The following CCDC57 variants were observed in gnomAD, a reference collection of about 807,000 sequenced individuals.
The protein encoded by CCDC57 is coiled-coil domain containing 57, also known as coiled-coil domain-containing protein 57.
CCDC57 carries 118 observed loss-of-function variants against 118.9 expected under a neutral mutation model. The observed-to-expected ratio is 0.99, with a 90% CI of 0.86 to 1.16. The LOEUF (loss-of-function observed/expected upper bound fraction) is 1.16. CCDC57 is among the 50% of genes most tolerant of loss of function. The pLI is 0.00. For synonymous variants in CCDC57, 527 were observed against 532.9 expected, an observed-to-expected ratio of 0.99 and a Z score of 0.15; for missense variants, 1,300 against 1,320.7, an observed-to-expected ratio of 0.98 and a Z score of 0.24.
chr17:82,167,804 C>A (rs901603927), intron 13 of CCDC57, among the ~76,000 whole-genome samples: 1 of 151,548 alleles, frequency 6.6e-6, no homozygotes. Context: ...TTAGTAGATA[C>A]GGGGTTTCGC....
chr17:82,195,420 A>G, intron 4 of CCDC57, 56 bp from the exon 4 acceptor site: 1 of 1,389,880 alleles, frequency 7.2e-7, no homozygotes, highest in Non-Finnish European at 1.0e-6. Flanking sequence ...AAAGACCCCC[A>G]CCCACGTCCT....
intron 2 of CCDC57, among the ~76,000 whole-genome samples, chr17:82,202,238 G>A (rs2049081124): frequency 6.6e-6 from 1 of 152,138 alleles, no homozygotes; most frequent in South Asian, 2.1e-4. Flanking sequence ...AGGCCCAGGT[G>A]GATGGATCAC....
intron 14 of CCDC57, among the ~76,000 whole-genome samples, chr17:82,161,515 C>T (rs1436702696): frequency 6.6e-6 from 1 of 152,156 alleles, no homozygotes; most frequent in Non-Finnish European, 1.5e-5. Flanking sequence ...ATGTTGAGTG[C>T]ATGAATGATA....
At chr17:82,157,653 G>A in intron 15 of CCDC57, 95 bp downstream of exon 14, 5 of 1,482,750 alleles carry the variant, frequency 3.4e-6, no homozygotes, top group Non-Finnish European at 4.5e-6. Flanking sequence ...TGAGCTCCCA[G>A]GGCATACAGA....
chr17:82,121,006 C>A (rs369972948), intron 19 of CCDC57, among the ~76,000 whole-genome samples: 1 of 152,198 alleles, frequency 6.6e-6, no homozygotes, highest in African/African-American at 2.4e-5. Flanking sequence ...CCACCCACCT[C>A]GGCCTCCCAA....
rs369870234 is a variant in CCDC57, at chr17:82,203,232, G to C, written c.-8-1280C>G. Reference sequence around the variant, plus strand: ...CACTCACACTCCCCTCTTGCTTCGTGCCTGCTCCTCTTTCACCTTCCGCCA... The same window carrying C: ...CACTCACACTCCCCTCTTGCTTCGTCCCTGCTCCTCTTTCACCTTCCGCCA... On this transcript the variant is annotated intron_variant, in intron 2 of 19. Transcript: ENST00000665763. 1.7e-4 allele frequency among the ~76,000 whole-genome samples: 26 copies of C among 152,246 alleles called. 1 individual carries two copies. The South Asian group carries it at 5.4e-3, about 32-fold the overall frequency.
chr17:82,184,283 C>T (rs771662213), intron 8 of CCDC57, among the ~76,000 whole-genome samples: 1 of 152,070 alleles, frequency 6.6e-6, no homozygotes, highest in Non-Finnish European at 1.5e-5. Context: ...CCCATGCCCA[C>T]AGAGCCCACA....
At chr17:82,125,918 G>A (rs926932209) in intron 19 of CCDC57, among the ~76,000 whole-genome samples, 8 of 152,138 alleles carry the variant, frequency 5.3e-5, no homozygotes, top group African/African-American at 1.9e-4. Flanking sequence ...TGACAAAGGT[G>A]GGAGTCCGAA....
chr17:82,117,323 C>A (rs147990665), intron 19 of CCDC57, among the ~76,000 whole-genome samples: 176 of 151,938 alleles, frequency 1.2e-3, no homozygotes, highest in South Asian at 4.0e-3. Flanking sequence ...CTGTACTGGG[C>A]GACAGAGGGA....
intron 19 of CCDC57, among the ~76,000 whole-genome samples, chr17:82,122,367 C>T (rs2036826599): frequency 6.6e-6 from 1 of 152,250 alleles, no homozygotes; most frequent in Non-Finnish European, 1.5e-5. Context: ...GGGCGTCTGT[C>T]CAGCAAGCAG....
intron 3 of CCDC57, among the ~76,000 whole-genome samples, chr17:82,199,867 C>T (rs1289416391): frequency 2.0e-5 from 3 of 152,176 alleles, no homozygotes; most frequent in Non-Finnish European, 2.9e-5. Flanking sequence ...ACCACATTAG[C>T]AAGCAGCACT....
In CCDC57 at chr17:82,178,991, G is replaced by A. The variant is rs192695286; in HGVS notation, c.1374+36C>T. The A allele has an allele frequency of 4.2e-4, 674 of 1,602,624 alleles. 4 individuals carry two copies. In the East Asian group the frequency reaches 0.011, roughly 25 times the overall value. On this transcript the variant is annotated intron_variant, in intron 10 of 19. Coordinates refer to ENST00000665763, the Ensembl canonical transcript of CCDC57. Reference sequence around the variant, plus strand: ...TGCCCAGCCCCACCTCTGCAGAGACGCCGAGAAGGCCCCAGGCCCTGGTGG... The same window carrying A: ...TGCCCAGCCCCACCTCTGCAGAGACACCGAGAAGGCCCCAGGCCCTGGTGG...
At chr17:82,124,167 C>A (rs910087164) in intron 19 of CCDC57, among the ~76,000 whole-genome samples, 1 of 152,162 alleles carries the variant, frequency 6.6e-6, no homozygotes, top group Admixed American at 6.5e-5. Flanking sequence ...GAGGGCATTT[C>A]TCTAAGGCAA....
intron 5 of CCDC57, 80 bp downstream of exon 4, chr17:82,195,183 T>G: frequency 1.6e-5 from 17 of 1,031,532 alleles, no homozygotes; most frequent in Non-Finnish European, 2.2e-5. Flanking sequence ...CCCAAAGTGC[T>G]GAGATGACAG....
At chr17:82,125,675 CCTCT>C (rs1237069545) in intron 19 of CCDC57, among the ~76,000 whole-genome samples, 1 of 152,126 alleles carries the variant, frequency 6.6e-6, no homozygotes, top group Non-Finnish European at 1.5e-5. Flanking sequence ...TGCCTCCAGT[CCTCT>C]CTCTACTAAA....
At chr17:82,188,748 GC>G (rs1274358338) in intron 7 of CCDC57, among the ~76,000 whole-genome samples, 1 of 152,220 alleles carries the variant, frequency 6.6e-6, no homozygotes, top group Admixed American at 6.5e-5. Context: ...CGATCAACCT[GC>G]GAAAGCAAAA....
chr17:82,204,221 G>C (rs1292463558), intron 2 of CCDC57, among the ~76,000 whole-genome samples: 2 of 152,090 alleles, frequency 1.3e-5, no homozygotes, highest in Non-Finnish European at 2.9e-5. Flanking sequence ...ACCTCAGCCT[G>C]GCTCCTCCAA....
intron 7 of CCDC57, among the ~76,000 whole-genome samples, chr17:82,190,016 A>T (rs1053165651): frequency 1.4e-5 from 2 of 139,750 alleles, no homozygotes; most frequent in African/African-American, 5.7e-5. Context: ...GTCTCAAATT[A>T]AAAAAAAAAA....
rs544488368 is a variant in CCDC57, at chr17:82,169,454, T to G, written c.1882+2247A>C. Among the ~76,000 whole-genome samples, 9 of 152,314 alleles carry G rather than the reference T, an allele frequency of 5.9e-5. No individual in the cohort carries two copies. In the South Asian group the frequency reaches 1.9e-3, roughly 32 times the overall value. Reference sequence around the variant, plus strand: ...AAAACCTCCCCTATTTGAGACAATCTGTGCCAGTGGAGTGTCCTGTCTGGC... The same window carrying G: ...AAAACCTCCCCTATTTGAGACAATCGGTGCCAGTGGAGTGTCCTGTCTGGC... On this transcript the variant is annotated intron_variant, in intron 13 of 19. Transcript: ENST00000665763.
Sources: allele counts gnomAD v4.1 joint callset (sites outside exome capture counted in the v4.1 genomes callset), GRCh38; gene constraint gnomAD v4.1.1; transcripts MANE v1.5; gene names NCBI Gene and HGNC (gene_info 2026-07-23, HGNC 2026-07-21).